The following CDC42 variants were observed in gnomAD, a reference collection of about 807,000 sequenced individuals.
The protein encoded by CDC42 is cell division cycle 42.
A neutral mutation model predicts 20.8 loss-of-function variants in CDC42; 1 was observed. That is an observed-to-expected ratio of 0.05 (90% confidence interval 0.02 to 0.23). The LOEUF (loss-of-function observed/expected upper bound fraction) is 0.23, where lower values mean the gene tolerates loss of function less well. Ranked by LOEUF, CDC42 falls within the 10% of genes least tolerant of loss-of-function variation. The pLI is 1.00. For synonymous variants in CDC42, 72 were observed against 84.8 expected (o/e 0.85, Z 0.83); for missense variants, 49 against 227.9 (o/e 0.21, Z 5.05).
intron 1 of CDC42, among the ~76,000 whole-genome samples, chr1:22,058,434 G>A (rs1404118862): frequency 6.6e-6 from 1 of 151,870 alleles, no homozygotes. Flanking sequence ...TGCCTATTAC[G>A]TAGAATTGCC....
At chr1:22,080,760 C>A (rs1418982906) in intron 2 of CDC42, among the ~76,000 whole-genome samples, 1 of 152,156 alleles carries the variant, frequency 6.6e-6, no homozygotes. Flanking sequence ...CCGATATTAG[C>A]ATATGCTTTA....
intron 1 of CDC42, among the ~76,000 whole-genome samples, chr1:22,072,259 G>A (rs546839492): frequency 3.2e-4 from 48 of 151,760 alleles, no homozygotes; most frequent in Middle Eastern, 3.4e-3. Context: ...CACCACGCCT[G>A]GCTAATTTTT....
chr1:22,096,812 G>A lies in CDC42; in HGVS notation c.*5295G>A, dbSNP rs114750815. 0.011 allele frequency among the ~76,000 whole-genome samples: 1,682 copies of A among 152,360 alleles called. 29 individuals are homozygous for A. The highest frequency in any genetic ancestry group is 0.038 in the African/African-American group (1,585 of 41,580). ...TAATTTAGTGATTTTATTTTCCAAA[G>A]CAAGGCATTTGGTTGCTACCTGCTA... On this transcript the variant is annotated 3_prime_UTR_variant, in exon 6 of 6. Transcript: ENST00000656825.
At position 22,095,195 on chromosome 1, in the gene CDC42, A is replaced by G. The variant is rs142643211; in HGVS notation, c.*3678A>G. Among the ~76,000 whole-genome samples, 233 of 152,290 alleles carry G rather than the reference A, an allele frequency of 1.5e-3. 1 individual carries two copies. Among genetic ancestry groups the G allele is most frequent in the Middle Eastern group, 6.8e-3 (2 of 294 alleles). On this transcript the variant is annotated 3_prime_UTR_variant, in exon 6 of 6. Coordinates refer to ENST00000656825, the MANE Select transcript of CDC42 (RefSeq NM_001791.4). ...TTGTTTTCTGTAAGTCTTACTCTGT[A>G]TCTACCCGACTTCAGATCATGGTGA...
chr1:22,069,459 A>C (rs1445844677), intron 1 of CDC42, among the ~76,000 whole-genome samples: 1 of 151,158 alleles, frequency 6.6e-6, no homozygotes, highest in Non-Finnish European at 1.5e-5. Context: ...TATAGGCGTG[A>C]GCCACCACGC....
intron 3 of CDC42, 69 bp downstream of exon 3, chr1:22,081,863 A>G (rs1450944859): frequency 5.0e-6 from 5 of 1,004,984 alleles, no homozygotes; most frequent in Non-Finnish European, 6.2e-6. Context: ...TCTTGTGGAC[A>G]TTTTGAGAAA....
At position 22,062,807 on chromosome 1, in the gene CDC42, A is replaced by G. The variant is rs1401868760; in HGVS notation, c.-51+10065A>G. On this transcript the variant is annotated intron_variant, in intron 1 of 5. Coordinates refer to ENST00000656825, the MANE Select transcript of CDC42 (RefSeq NM_001791.4). Reference sequence around the variant, plus strand: ...ATCCATTTGTCTATGGTACAAACCTATCCTCTAATTTTTCAAACCAAAAAA... The same window carrying G: ...ATCCATTTGTCTATGGTACAAACCTGTCCTCTAATTTTTCAAACCAAAAAA... Among the ~76,000 whole-genome samples, 4 of 147,380 alleles carry G rather than the reference A, an allele frequency of 2.7e-5. No homozygotes were observed. In the East Asian group the frequency reaches 8.1e-4, roughly 30 times the overall value.
At chr1:22,073,051 G>C (rs1301375700) in intron 1 of CDC42, among the ~76,000 whole-genome samples, 16 of 152,162 alleles carry the variant, frequency 1.1e-4, no homozygotes. Flanking sequence ...TTGTAGCTGG[G>C]AGTATCCCCT....
At chr1:22,067,729 C>A (rs1335002970) in intron 1 of CDC42, among the ~76,000 whole-genome samples, 2 of 152,116 alleles carry the variant, frequency 1.3e-5, no homozygotes, top group African/African-American at 4.8e-5. Flanking sequence ...CCACTAATCC[C>A]ATTTGGGGAT....
chr1:22,054,917 ATATAT>A, intron 1 of CDC42, among the ~76,000 whole-genome samples: 1 of 12,306 alleles, frequency 8.1e-5, no homozygotes, highest in Non-Finnish European at 1.7e-4. Flanking sequence ...ATATATATAT[ATATAT>A]TTTTTTTTTT....
At chr1:22,061,583 A>T (rs1645365888) in intron 1 of CDC42, among the ~76,000 whole-genome samples, 1 of 109,882 alleles carries the variant, frequency 9.1e-6, no homozygotes, top group South Asian at 3.1e-4. Context: ...TTGCTCTATC[A>T]GCCAGGCTGT....
intron 1 of CDC42, among the ~76,000 whole-genome samples, chr1:22,075,554 T>G (rs1456775278): frequency 6.6e-6 from 1 of 152,214 alleles, no homozygotes; most frequent in Non-Finnish European, 1.5e-5. Flanking sequence ...TGAGTTCCTT[T>G]CTAAGAAGTT....
At chr1:22,058,790 C>T (rs1238477484) in intron 1 of CDC42, among the ~76,000 whole-genome samples, 1 of 152,058 alleles carries the variant, frequency 6.6e-6, no homozygotes, top group Non-Finnish European at 1.5e-5. Context: ...TGAACCACCG[C>T]ACCCAGCCGA....
chr1:22,089,261 C>T (rs1645692146), intron 5 of CDC42, among the ~76,000 whole-genome samples: 1 of 152,144 alleles, frequency 6.6e-6, no homozygotes, highest in African/African-American at 2.4e-5. Context: ...ATCTTAATCC[C>T]CGTAAGATCT....
In CDC42 at chr1:22,091,526, C is replaced by G. The variant is rs1344943992; in HGVS notation, c.*9C>G. The G allele has an allele frequency of 1.3e-6, 2 of 1,587,646 alleles. No individual in the cohort carries two copies. The highest frequency in any genetic ancestry group is 4.5e-5 in the East Asian group (2 of 44,652). ...GGTGTGTGCTGCTATGAACATCTCTCCAGAGCCCTTTCTGCACAGCTGGTG... is the reference window on the plus strand; with the variant it reads ...GGTGTGTGCTGCTATGAACATCTCTGCAGAGCCCTTTCTGCACAGCTGGTG... On this transcript the variant is annotated 3_prime_UTR_variant, in exon 6 of 6. Coordinates refer to ENST00000656825, the MANE Select transcript of CDC42 (RefSeq NM_001791.4).
intron 1 of CDC42, among the ~76,000 whole-genome samples, chr1:22,065,770 G>GC (rs1317799483): frequency 4.8e-4 from 73 of 150,768 alleles, no homozygotes; most frequent in African/African-American, 1.7e-3. Flanking sequence ...GTCTTTTTTT[G>GC]GGGGGCGGGG....
At chr1:22,060,364 C>T (rs1645349525) in intron 1 of CDC42, among the ~76,000 whole-genome samples, 1 of 151,686 alleles carries the variant, frequency 6.6e-6, no homozygotes, top group Non-Finnish European at 1.5e-5. Flanking sequence ...AAGATTATTG[C>T]AATTCATTAC....
chr1:22,068,157 A>G (rs187924719), intron 1 of CDC42, among the ~76,000 whole-genome samples: 56 of 152,366 alleles, frequency 3.7e-4, no homozygotes, highest in African/African-American at 1.2e-3. Context: ...ACCATTTAGC[A>G]GAGGATGTAT....
intron 1 of CDC42, among the ~76,000 whole-genome samples, chr1:22,069,556 C>A (rs1645461087): frequency 6.7e-6 from 1 of 148,770 alleles, no homozygotes; most frequent in African/African-American, 2.5e-5. Flanking sequence ...CTTCCTGGCT[C>A]AGGTGGTTTC....
Sources: gnomAD v4.1 joint callset for allele counts (sites outside exome capture counted in the v4.1 genomes callset) on GRCh38, gnomAD v4.1.1 for gene constraint, MANE v1.5 for transcripts, NCBI Gene and HGNC (gene_info 2026-07-23, HGNC 2026-07-21) for gene names.